The following MYT1L variants were observed in gnomAD, a reference collection of about 807,000 sequenced individuals.
MYT1L encodes myelin transcription factor 1 like.
MYT1L carries 12 observed loss-of-function variants against 126.7 expected under a neutral mutation model. That is an observed-to-expected ratio of 0.09 (90% CI 0.06 to 0.15). The LOEUF (loss-of-function observed/expected upper bound fraction) is 0.15, where lower values mean the gene tolerates loss of function less well. MYT1L is among the 10% of genes least tolerant of loss of function. The probability of loss-of-function intolerance (pLI) is 1.00; values close to 1 mark genes in which losing one functional copy is unlikely to be tolerated. For missense variants in MYT1L, 979 were observed against 1,585.2 expected, an observed-to-expected ratio of 0.62 and a Z score of 6.49; for synonymous variants, 541 against 604.2, an observed-to-expected ratio of 0.90 and a Z score of 1.53.
In MYT1L at chr2:1,889,413, C is replaced by T. The variant is rs2048553228; in HGVS notation, c.2348G>A (p.Arg783Gln). 4 of 1,613,680 alleles carry T rather than the reference C, an allele frequency of 2.5e-6. No individual in the cohort carries two copies. The highest frequency in any genetic ancestry group is 1.3e-5 in the African/African-American group (1 of 74,924). Residue 783 changes from arginine to glutamine, a missense_variant, in exon 16 of 25, where the codon CGG becomes CAG. Arg to Gln is a conservative substitution (Grantham distance 43, BLOSUM62 1). Around this residue, in one of 12 missense-constraint regions of MYT1L, gnomAD observed 141 missense variants for 170.6 expected, o/e 0.83. Coordinates refer to ENST00000647738, the MANE Select transcript of MYT1L (RefSeq NM_001303052.2). The surrounding 1 kb of genome is among the most constrained non-coding windows in gnomAD (Gnocchi z 4.1). Reference protein sequence around the residue: ...LDLSMNKQRPRDSCCPILTPL... With the variant: ...LDLSMNKQRPQDSCCPILTPL... Reference sequence around the variant, plus strand: ...GGTCAGGATGGGGCAGCAGCTGTCCCGCGGCCTCTGCTTGTTCATGCTGAG... The same window carrying T: ...GGTCAGGATGGGGCAGCAGCTGTCCTGCGGCCTCTGCTTGTTCATGCTGAG...
chr2:2,011,994 G>A (rs917855924), intron 4 of MYT1L, among the ~76,000 whole-genome samples: 1 of 152,130 alleles, frequency 6.6e-6, no homozygotes, highest in African/African-American at 2.4e-5. Context: ...GAATGTCAAT[G>A]GTGCAGTCAC....
chr2:2,316,443 A>G (rs1304991210), intron 1 of MYT1L, among the ~76,000 whole-genome samples: 1 of 152,234 alleles, frequency 6.6e-6, no homozygotes, highest in African/African-American at 2.4e-5. Context: ...TACCCTAAAT[A>G]CTGCCTTTAA....
intron 4 of MYT1L, among the ~76,000 whole-genome samples, chr2:1,999,058 A>C (rs1336924595): frequency 2.0e-5 from 3 of 152,180 alleles, no homozygotes; most frequent in Non-Finnish European, 2.9e-5. Flanking sequence ...ACCACCACTT[A>C]CTACTTCATG....
At chr2:2,191,938 C>A (rs1236434891) in intron 2 of MYT1L, among the ~76,000 whole-genome samples, 5 of 152,216 alleles carry the variant, frequency 3.3e-5, no homozygotes, top group Admixed American at 3.3e-4. Context: ...TACTCTGTAG[C>A]AGACCCTACG....
intron 4 of MYT1L, among the ~76,000 whole-genome samples, chr2:2,027,034 C>T (rs938489848): frequency 4.6e-5 from 7 of 152,170 alleles, no homozygotes; most frequent in African/African-American, 1.7e-4. Flanking sequence ...TCGGATCGCT[C>T]CACCTGGACC....
intron 2 of MYT1L, among the ~76,000 whole-genome samples, chr2:2,254,258 T>C (rs1471367324): frequency 6.6e-6 from 1 of 152,196 alleles, no homozygotes; most frequent in Non-Finnish European, 1.5e-5. Context: ...ATGCCGTTCA[T>C]GGGGAAAATC....
At chr2:1,816,251 T>C (rs2037610943) in intron 21 of MYT1L, 1 of 152,354 alleles carries the variant, frequency 6.6e-6, no homozygotes. Flanking sequence ...CAGGTAGTGT[T>C]TGGGGACCCA....
At chr2:1,894,148 C>A (rs2049277936) in intron 14 of MYT1L, among the ~76,000 whole-genome samples, 1 of 152,232 alleles carries the variant, frequency 6.6e-6, no homozygotes, top group Admixed American at 6.5e-5. Context: ...TCAGAGTGGG[C>A]CCATGGCTGG....
chr2:2,025,741 A>G (rs1250811443), intron 4 of MYT1L, among the ~76,000 whole-genome samples: 1 of 152,246 alleles, frequency 6.6e-6, no homozygotes, highest in African/African-American at 2.4e-5. Context: ...GCAAGAACAC[A>G]GGGACATTAG....
At chr2:1,945,995 C>G (rs533053798) in intron 8 of MYT1L, among the ~76,000 whole-genome samples, 2 of 152,270 alleles carry the variant, frequency 1.3e-5, no homozygotes, top group Admixed American at 1.3e-4. Context: ...GGCCACACAG[C>G]AGGAGGGGGC....
intron 1 of MYT1L, among the ~76,000 whole-genome samples, chr2:2,321,535 AGTG>A (rs960105635): frequency 6.6e-5 from 10 of 152,182 alleles, no homozygotes; most frequent in African/African-American, 2.4e-4. Flanking sequence ...TTTAGGGTTC[AGTG>A]GTGTGGTAGC....
intron 2 of MYT1L, among the ~76,000 whole-genome samples, chr2:2,202,905 A>T (rs1010380944): frequency 2.6e-5 from 4 of 152,202 alleles, no homozygotes; most frequent in Non-Finnish European, 5.9e-5. Context: ...CCAGCAGCAC[A>T]TCAAAAAGCT....
intron 21 of MYT1L, among the ~76,000 whole-genome samples, chr2:1,835,759 A>G (rs1220932249): frequency 6.6e-6 from 1 of 152,104 alleles, no homozygotes; most frequent in East Asian, 1.9e-4. Context: ...GAGGTCGCCG[A>G]AGCCAGCAGT....
intron 3 of MYT1L, among the ~76,000 whole-genome samples, chr2:2,117,999 C>T (rs1016940925): frequency 5.9e-5 from 9 of 151,610 alleles, no homozygotes; most frequent in African/African-American, 2.2e-4. Flanking sequence ...CAAAAACACA[C>T]ATATACTCAC....
intron 14 of MYT1L, among the ~76,000 whole-genome samples, chr2:1,898,437 C>T (rs2049901570): frequency 6.6e-6 from 1 of 152,220 alleles, no homozygotes; most frequent in African/African-American, 2.4e-5. Context: ...CCAAGGCACA[C>T]GGTCTACTTG....
At position 1,910,450 on chromosome 2, in the gene MYT1L, G is replaced by T; in HGVS notation, c.1710-103C>A. 2 of 1,075,866 alleles carry T rather than the reference G, an allele frequency of 1.9e-6. No homozygotes were observed. Among genetic ancestry groups the T allele is most frequent in the Non-Finnish European group, 1.4e-6 (1 of 731,336 alleles). The allele number at this position is 1,075,866 out of a possible 1,614,324, so 66.6% of individuals were successfully genotyped here. The stretch of plus-strand genomic sequence containing the variant: ...ACCCTGATGCAGGTGGAGCTGGTGA[G>T]GGAGGGGTAGTTTCCCAAACCTGGC... On this transcript the variant is annotated intron_variant, in intron 12 of 24. Coordinates refer to ENST00000647738, the MANE Select transcript of MYT1L (RefSeq NM_001303052.2). This position sits in a 1 kb window ranked among gnomAD's most constrained non-coding sequence, Gnocchi z 4.8.
Position 2,294,210 on chromosome 2 carries a change from C to T in MYT1L, c.-520-9707G>A, listed in dbSNP as rs562645357. Among the ~76,000 whole-genome samples the T allele has an allele frequency of 3.9e-5, 6 of 152,252 alleles. No homozygotes were observed. The South Asian group carries it at 6.2e-4, about 16-fold the overall frequency. On this transcript the variant is annotated intron_variant, in intron 1 of 24. Transcript: ENST00000647738. ...CAGGTGACGGTTAGCGACTCACGGG[C>T]GGTGCCCCGGTCACTTGACTCTGCT...
intron 4 of MYT1L, among the ~76,000 whole-genome samples, chr2:2,046,469 T>C (rs1163760798): frequency 6.6e-6 from 1 of 152,224 alleles, no homozygotes; most frequent in East Asian, 1.9e-4. Flanking sequence ...TTGTAATGAA[T>C]GCAATAAAAA....
intron 3 of MYT1L, among the ~76,000 whole-genome samples, chr2:2,117,898 C>T (rs943152907): frequency 4.6e-5 from 7 of 151,808 alleles, no homozygotes; most frequent in African/African-American, 1.7e-4. Flanking sequence ...TCTTCAAATG[C>T]TTCTCATTTT....
Sources: allele counts gnomAD v4.1 joint callset (sites outside exome capture counted in the v4.1 genomes callset), GRCh38; gene constraint gnomAD v4.1.1; regional missense constraint gnomAD v4.1.1; non-coding constraint Gnocchi (gnomAD v3.1); transcripts MANE v1.5; gene names NCBI Gene and HGNC (gene_info 2026-07-23, HGNC 2026-07-21).